The following MAGI1 variants were observed in gnomAD, a reference collection of about 807,000 sequenced individuals.
MAGI1 encodes the protein membrane-associated guanylate kinase, WW and PDZ domain-containing protein 1.
A neutral mutation model predicts 139.9 loss-of-function variants in MAGI1; 58 were observed. The observed-to-expected ratio is 0.41, with a 90% CI of 0.34 to 0.52. MAGI1 has a LOEUF of 0.52. Ranked by LOEUF, MAGI1 falls within the 20% of genes least tolerant of loss-of-function variation. MAGI1 has a pLI of 0.12. For synonymous variants in MAGI1, 812 were observed against 737.9 expected (o/e 1.10, Z -1.63); for missense variants, 1,874 against 1,901.6 (o/e 0.99, Z 0.27).
At chr3:65,553,618 C>A (rs1457154341) in intron 2 of MAGI1, among the ~76,000 whole-genome samples, 1 of 152,138 alleles carries the variant, frequency 6.6e-6, no homozygotes, top group Non-Finnish European at 1.5e-5. Context: ...GCCCTAATAA[C>A]AGCGGTGCAA....
intron 14 of MAGI1, 95 bp from the exon 15 acceptor site, chr3:65,383,718 G>A: frequency 1.3e-6 from 1 of 792,924 alleles, no homozygotes; most frequent in Non-Finnish European, 2.2e-6. Context: ...GAATGGTGGT[G>A]CTTGATCAGA....
chr3:65,674,777 T>C (rs189591162), intron 1 of MAGI1, among the ~76,000 whole-genome samples: 2 of 152,260 alleles, frequency 1.3e-5, no homozygotes, highest in Admixed American at 1.3e-4. Context: ...GGCACATCAG[T>C]AGTCTAAATT....
intron 7 of MAGI1, among the ~76,000 whole-genome samples, chr3:65,443,522 T>C (rs957885772): frequency 6.6e-6 from 1 of 152,204 alleles, no homozygotes. Context: ...TATGTGCCTT[T>C]CTGAAAACTC....
At chr3:65,674,208 G>T (rs1213475625) in intron 1 of MAGI1, among the ~76,000 whole-genome samples, 3 of 152,194 alleles carry the variant, frequency 2.0e-5, no homozygotes, top group African/African-American at 7.2e-5. Context: ...ATGTTAAGTA[G>T]CTAAGATTTC....
At chr3:65,359,366 T>A (rs1262505150) in intron 22 of MAGI1, 2 of 1,357,786 alleles carry the variant, frequency 1.5e-6, no homozygotes, top group Non-Finnish European at 1.9e-6. Context: ...ACAGTGACAT[T>A]TTTAGACAGC....
At chr3:65,828,343 T>A (rs1408989680) in intron 1 of MAGI1, among the ~76,000 whole-genome samples, 1 of 152,222 alleles carries the variant, frequency 6.6e-6, no homozygotes. Flanking sequence ...GGAGAAGGTC[T>A]ATCCCACAAT....
intron 3 of MAGI1, among the ~76,000 whole-genome samples, chr3:65,490,712 C>T (rs116085056): frequency 0.011 from 1,670 of 151,810 alleles, 34 homozygotes; most frequent in African/African-American, 0.038. Flanking sequence ...GGCACAGTGG[C>T]ATGCACCTGT....
intron 13 of MAGI1, 57 bp downstream of exon 13, chr3:65,401,382 A>AC: frequency 4.2e-5 from 17 of 404,298 alleles, no homozygotes; most frequent in Admixed American, 7.9e-5. Context: ...TCCCACCTCC[A>AC]GCCCCCCACC....
intron 1 of MAGI1, among the ~76,000 whole-genome samples, chr3:65,717,086 A>G (rs1230137828): frequency 6.6e-6 from 1 of 152,210 alleles, no homozygotes; most frequent in East Asian, 1.9e-4. Context: ...TGGATGGGCA[A>G]ATCACATGAA....
chr3:65,737,208 TTA>T (rs1346797881), intron 1 of MAGI1, among the ~76,000 whole-genome samples: 7 of 152,152 alleles, frequency 4.6e-5, no homozygotes, highest in Non-Finnish European at 7.4e-5. Context: ...TTTCACCGTG[TTA>T]TAGCCAGGAT....
chr3:65,868,967 TA>T (rs1478197637), intron 1 of MAGI1, among the ~76,000 whole-genome samples: 2 of 152,080 alleles, frequency 1.3e-5, no homozygotes, highest in Non-Finnish European at 2.9e-5. Flanking sequence ...TATCAACTTC[TA>T]ACATACCTCA....
intron 1 of MAGI1, among the ~76,000 whole-genome samples, chr3:65,877,848 T>C (rs1183809361): frequency 6.6e-6 from 1 of 152,122 alleles, no homozygotes; most frequent in Non-Finnish European, 1.5e-5. Flanking sequence ...GGCTCATGTC[T>C]GTAATTCCAG....
chr3:65,781,902 CT>C (rs1206213247), intron 1 of MAGI1, among the ~76,000 whole-genome samples: 1 of 150,242 alleles, frequency 6.7e-6, no homozygotes, highest in Admixed American at 6.6e-5. Context: ...GGAACCCCCC[CT>C]CACTATAAAC....
intron 1 of MAGI1, among the ~76,000 whole-genome samples, chr3:65,758,361 T>G (rs557486843): frequency 1.3e-5 from 2 of 151,836 alleles, no homozygotes; most frequent in East Asian, 3.9e-4. Flanking sequence ...TATTCAAAAC[T>G]ACCCAAATAT....
chr3:65,369,186 C>T (rs1167990240), intron 18 of MAGI1, among the ~76,000 whole-genome samples: 2 of 152,146 alleles, frequency 1.3e-5, no homozygotes, highest in African/African-American at 4.8e-5. Flanking sequence ...AAGGACTCCC[C>T]CAACCTTGGC....
intron 1 of MAGI1, among the ~76,000 whole-genome samples, chr3:66,018,990 C>G (rs967783671): frequency 1.5e-4 from 23 of 152,300 alleles, no homozygotes; most frequent in African/African-American, 5.5e-4. Context: ...AAGAAGGATG[C>G]CATCTTGATT....
At chr3:65,703,333 T>C (rs2089747760) in intron 1 of MAGI1, among the ~76,000 whole-genome samples, 1 of 152,200 alleles carries the variant, frequency 6.6e-6, no homozygotes, top group Non-Finnish European at 1.5e-5. Context: ...GTCAATTGTC[T>C]ATTCAAATGC....
chr3:65,964,083 T>C (rs2064611500), intron 1 of MAGI1, among the ~76,000 whole-genome samples: 1 of 152,186 alleles, frequency 6.6e-6, no homozygotes. Context: ...CAAGGAAGCT[T>C]TGAGCCACCA....
chr3:65,677,846 T>C lies in MAGI1; in HGVS notation c.314-55758A>G, dbSNP rs796214670. 2.0e-5 allele frequency among the ~76,000 whole-genome samples: 3 copies of C among 152,222 alleles called. No homozygotes were observed. The South Asian group carries it at 6.2e-4, about 32-fold the overall frequency. On this transcript the variant is annotated intron_variant, in intron 1 of 22. Coordinates refer to ENST00000402939, the MANE Select transcript of MAGI1 (RefSeq NM_001033057.2). ...CAAAAATCCAACACCATATTAATCA[T>C]TGGCAGGTTGTATTTCCTGTCCCTT...
Sources: allele counts gnomAD v4.1 joint callset (sites outside exome capture counted in the v4.1 genomes callset), GRCh38; gene constraint gnomAD v4.1.1; transcripts MANE v1.5; gene names NCBI Gene and HGNC (gene_info 2026-07-23, HGNC 2026-07-21).